Variants in HFM1 observed in about 807,000 individuals in gnomAD.
HFM1 encodes the protein helicase for meiosis 1.
A neutral mutation model predicts 192.1 loss-of-function variants in HFM1; 169 were observed. That is an observed-to-expected ratio of 0.88 (90% CI 0.78 to 1.00). The LOEUF is 1.00. Among genes scored for constraint, HFM1 ranks in the 50% least tolerant of loss-of-function variants. The pLI, the probability that HFM1 is intolerant of heterozygous loss-of-function variation, is 0.00. For missense variants in HFM1, 1,661 were observed against 1,668.0 expected (o/e 1.00, Z 0.07); for synonymous variants, 525 against 537.8 (o/e 0.98, Z 0.33).
At chr1:91,398,335 T>G (rs1663918477) in intron 2 of HFM1, among the ~76,000 whole-genome samples, 4 of 152,196 alleles carry the variant, frequency 2.6e-5, no homozygotes, top group Admixed American at 2.6e-4. Context: ...TTACTAACTA[T>G]ATCTAGATAC....
At chr1:91,308,759 C>A (rs1361856859) in intron 30 of HFM1, among the ~76,000 whole-genome samples, 1 of 152,102 alleles carries the variant, frequency 6.6e-6, no homozygotes, top group Non-Finnish European at 1.5e-5. Flanking sequence ...GTGGGCCTCA[C>A]AATTTTTTTA....
At chr1:91,398,934 T>G (rs1663987210) in intron 2 of HFM1, among the ~76,000 whole-genome samples, 1 of 152,054 alleles carries the variant, frequency 6.6e-6, no homozygotes, top group African/African-American at 2.4e-5. Flanking sequence ...CTCAAGTGAT[T>G]CGCCCACCTC....
chr1:91,376,915 C>T (rs760107423), intron 11 of HFM1, among the ~76,000 whole-genome samples: 14 of 151,790 alleles, frequency 9.2e-5, no homozygotes, highest in African/African-American at 3.1e-4. Context: ...TCTAGAAGTT[C>T]ATCCTAAGGA....
intron 30 of HFM1, among the ~76,000 whole-genome samples, chr1:91,290,900 T>G (rs1489002055): frequency 6.6e-6 from 1 of 152,138 alleles, no homozygotes; most frequent in Non-Finnish European, 1.5e-5. Flanking sequence ...AAGAATCTCA[T>G]TCAGAACCGC....
intron 30 of HFM1, among the ~76,000 whole-genome samples, chr1:91,278,427 C>T (rs1237726330): frequency 1.3e-5 from 2 of 151,988 alleles, no homozygotes; most frequent in Non-Finnish European, 2.9e-5. Context: ...GAGAATGAGA[C>T]AAAGGGAAGA....
intron 30 of HFM1, among the ~76,000 whole-genome samples, chr1:91,287,419 C>T (rs75692456): frequency 4.0e-5 from 6 of 151,488 alleles, no homozygotes; most frequent in South Asian, 2.1e-4. Flanking sequence ...CTCACACGTC[C>T]GGGTACTCCA....
At position 91,385,703 on chromosome 1, in the gene HFM1, C is replaced by T. The variant is rs774161459; in HGVS notation, c.626G>A (p.Ser209Asn). Residue 209 changes from serine to asparagine, a missense_variant, in exon 5 of 39, where the codon AGT (serine) becomes AAT (asparagine). Coordinates refer to ENST00000370425, the MANE Select transcript of HFM1 (RefSeq NM_001017975.6). ...NKGKSRNYSN[S>N]KQKFQYSANV... ...TGCAGAATACTGAAATTTTTGCTTA[C>T]TATTGCTATAGTTCCTTGATTTCCC... is the stretch of plus-strand genomic sequence containing the variant. 6.2e-6 allele frequency: 10 copies of T among 1,612,684 alleles called. No homozygotes were observed. The highest frequency in any genetic ancestry group is 8.5e-6 in the Non-Finnish European group (10 of 1,178,924).
intron 20 of HFM1, among the ~76,000 whole-genome samples, chr1:91,341,486 G>A (rs1490049610): frequency 3.9e-5 from 6 of 151,996 alleles, no homozygotes; most frequent in Non-Finnish European, 8.8e-5. Flanking sequence ...AAAGCTAGAA[G>A]TATCACATTA....
At position 91,276,695 on chromosome 1, in the gene HFM1, G is replaced by A. The variant is rs751599543; in HGVS notation, c.3521C>T (p.Ser1174Phe). Residue 1174 changes from serine (S) to phenylalanine (F), a missense_variant, in exon 32 of 39, where the codon TCT becomes TTT. Physicochemically the swap from Ser to Phe is radical, Grantham distance 155. Transcript: ENST00000370425. ...GTTTCTTAAATCAGATAAATATGAA[G>A]AAATTGTTGACTCTTTAATTTCTGA... Reference protein sequence around the residue: ...QKSEIKESTISSYLSDLRNRN... With the variant: ...QKSEIKESTIFSYLSDLRNRN... The A allele has an allele frequency of 2.6e-6, 4 of 1,562,364 alleles. No homozygotes were observed. The highest frequency in any genetic ancestry group is 2.1e-5 in the Admixed American group (1 of 47,898).
At chr1:91,310,197 T>TA (rs1650232134) in intron 30 of HFM1, among the ~76,000 whole-genome samples, 1 of 152,078 alleles carries the variant, frequency 6.6e-6, no homozygotes. Flanking sequence ...TAATGTAGTT[T>TA]AAAAAAATCT....
rs111269704 is a variant in HFM1 at position 91,310,704 on chromosome 1, A to G, written c.3391+2645T>C. Among the ~76,000 whole-genome samples, 385 of 152,220 alleles carry G rather than the reference A, an allele frequency of 2.5e-3. 3 individuals carry two copies. Among genetic ancestry groups the G allele is most frequent in the African/African-American group, 8.6e-3 (358 of 41,524 alleles). ...CCTGATAGTGAATAAGTCTCAAGAG[A>G]TCTGATGGGTTTATCAAGGGTTTCT... On this transcript the variant is annotated intron_variant, in intron 30 of 38. Transcript: ENST00000370425.
intron 30 of HFM1, among the ~76,000 whole-genome samples, chr1:91,296,590 C>T (rs1031664141): frequency 1.3e-5 from 2 of 152,100 alleles, no homozygotes; most frequent in African/African-American, 4.8e-5. Flanking sequence ...ATTGGGATGA[C>T]ACTGAATATA....
intron 30 of HFM1, among the ~76,000 whole-genome samples, chr1:91,292,735 G>A (rs78235707): frequency 1 from 151,958 of 152,210 alleles, 75,854 homozygotes; most frequent in Non-Finnish European, 1. Flanking sequence ...AAAAGAGCTC[G>A]TATCACCAAG....
chr1:91,314,508 T>C lies in HFM1; in HGVS notation c.3141-448A>G, dbSNP rs115334879. On this transcript the variant is annotated intron_variant, in intron 28 of 38. Transcript: ENST00000370425. ...CTGGGCTTTAAGTGATCCTCCTGCC[T>C]CAGCCTCTCAAAGTGCTGAGATTAC... is the stretch of plus-strand genomic sequence containing the variant. Among the ~76,000 whole-genome samples, 407 of 152,280 alleles carry C rather than the reference T, an allele frequency of 2.7e-3. 4 individuals are homozygous for C. The highest frequency in any genetic ancestry group is 9.3e-3 in the African/African-American group (387 of 41,550).
At chr1:91,406,282 T>A (rs950083860), upstream of HFM1, among the ~76,000 whole-genome samples, 2 of 152,232 alleles carry the variant, frequency 1.3e-5, no homozygotes, top group Admixed American at 6.5e-5. Flanking sequence ...TGGTAATTTG[T>A]TATAGCAGCT....
At chr1:91,291,039 C>T (rs1460068387) in intron 30 of HFM1, among the ~76,000 whole-genome samples, 1 of 151,964 alleles carries the variant, frequency 6.6e-6, no homozygotes, top group Non-Finnish European at 1.5e-5. Context: ...ATCTCTGGGA[C>T]ACATTCAAAG....
chr1:91,313,534 CA>C lies in HFM1; in HGVS notation c.3245-40del. On this transcript the variant is annotated intron_variant, in intron 29 of 38. Transcript: ENST00000370425. Reference sequence around the variant, plus strand: ...AAAAAGTACACAAATGTTTATTTGTCATATAAATCCACATATGAGAACACTT... The same window carrying C: ...AAAAAGTACACAAATGTTTATTTGTCTATAAATCCACATATGAGAACACTT... The C allele has an allele frequency of 2.1e-6, 3 of 1,412,008 alleles. 1 individual carries two copies. In the South Asian group the frequency reaches 4.4e-5, roughly 21 times the overall value. 87.5% of individuals were successfully genotyped at this position (1,412,008 alleles called of 1,614,324 possible).
At chr1:91,350,978 G>A in intron 17 of HFM1, 107 bp from the exon 18 acceptor site, 1 of 862,602 alleles carries the variant, frequency 1.2e-6, no homozygotes, top group Non-Finnish European at 1.6e-6. Context: ...ACTAATTCAT[G>A]AAATATAACT....
chr1:91,340,862 G>C (rs1655235039), intron 20 of HFM1, among the ~76,000 whole-genome samples: 1 of 152,134 alleles, frequency 6.6e-6, no homozygotes, highest in South Asian at 2.1e-4. Flanking sequence ...CACTGATAAT[G>C]ATGAAAAAGT....
Sources: allele counts gnomAD v4.1 joint callset (sites outside exome capture counted in the v4.1 genomes callset), GRCh38; gene constraint gnomAD v4.1.1; transcripts MANE v1.5; gene names NCBI Gene and HGNC (gene_info 2026-07-23, HGNC 2026-07-21).